Variants in EP300 observed in about 807,000 individuals in gnomAD.
EP300 encodes the protein EP300 lysine acetyltransferase.
EP300 carries 31 observed loss-of-function variants against 264.0 expected under a neutral mutation model. That is an observed-to-expected ratio of 0.12 (90% CI 0.09 to 0.16). The LOEUF is 0.16. Ranked by LOEUF, EP300 falls within the 10% of genes least tolerant of loss-of-function variation. The pLI is 1.00. For synonymous variants in EP300, 1,340 were observed against 1,045.4 expected, an observed-to-expected ratio of 1.28 and a Z score of -5.44; for missense variants, 2,766 against 3,052.9, an observed-to-expected ratio of 0.91 and a Z score of 2.21.
chr22:41,147,099 T>A (rs1296636885), intron 11 of EP300, among the ~76,000 whole-genome samples: 2 of 151,916 alleles, frequency 1.3e-5, no homozygotes, highest in Non-Finnish European at 2.9e-5. Context: ...GAGGTCAAAG[T>A]ACGAGACCAG....
intron 3 of EP300, among the ~76,000 whole-genome samples, chr22:41,126,813 C>T (rs1376689607): frequency 2.4e-5 from 3 of 126,554 alleles, no homozygotes; most frequent in Non-Finnish European, 4.7e-5. Context: ...GGTACGATCT[C>T]GGCTCACTGC....
intron 2 of EP300, among the ~76,000 whole-genome samples, chr22:41,124,730 G>A (rs888104634): frequency 6.6e-6 from 1 of 152,148 alleles, no homozygotes; most frequent in Non-Finnish European, 1.5e-5. Context: ...TCGCCATGTA[G>A]CATCATGTGT....
chr22:41,095,729 C>T (rs946473005), intron 1 of EP300, among the ~76,000 whole-genome samples: 6 of 151,944 alleles, frequency 3.9e-5, no homozygotes, highest in Admixed American at 2.6e-4. Context: ...TTGTCTAGAA[C>T]TGGTTGAAAT....
chr22:41,145,717 G>A (rs1181542348), intron 10 of EP300, among the ~76,000 whole-genome samples: 3 of 152,026 alleles, frequency 2.0e-5, no homozygotes, highest in South Asian at 4.1e-4. Flanking sequence ...TCCACCTCCC[G>A]GGGTCATGCC....
At chr22:41,144,503 G>A (rs533821130) in intron 10 of EP300, among the ~76,000 whole-genome samples, 5 of 151,788 alleles carry the variant, frequency 3.3e-5, no homozygotes, top group Non-Finnish European at 5.9e-5. Context: ...ACAGGCACAC[G>A]CCACCATGCC....
intron 2 of EP300, among the ~76,000 whole-genome samples, chr22:41,122,239 C>T (rs1178445671): frequency 1.5e-5 from 2 of 135,530 alleles, no homozygotes; most frequent in African/African-American, 2.8e-5. Flanking sequence ...AATCTTGGCT[C>T]ATTGCAACCT....
intron 1 of EP300, among the ~76,000 whole-genome samples, chr22:41,109,317 G>C (rs2058775934): frequency 6.6e-6 from 1 of 151,752 alleles, no homozygotes; most frequent in East Asian, 1.9e-4. Context: ...AATAGATTTG[G>C]CTTCAGTAAA....
chr22:41,139,277 T>C (rs767958698), intron 8 of EP300, among the ~76,000 whole-genome samples: 1 of 152,190 alleles, frequency 6.6e-6, no homozygotes, highest in Non-Finnish European at 1.5e-5. Flanking sequence ...GTGGTAGCAC[T>C]AAGTAACGGA....
At chr22:41,113,923 T>C (rs972587131) in intron 1 of EP300, among the ~76,000 whole-genome samples, 1 of 152,246 alleles carries the variant, frequency 6.6e-6, no homozygotes, top group Admixed American at 6.5e-5. Context: ...TTGTGATTTC[T>C]TTTGTAATTT....
intron 1 of EP300, among the ~76,000 whole-genome samples, chr22:41,113,906 A>G (rs984384939): frequency 5.3e-5 from 8 of 152,022 alleles, no homozygotes; most frequent in African/African-American, 1.7e-4. Flanking sequence ...TTATTACTCA[A>G]TTTCCTTTGT....
chr22:41,129,861 C>T (rs2145713282), intron 4 of EP300, 29 bp from the exon 5 acceptor site: 3 of 1,576,258 alleles, frequency 1.9e-6, no homozygotes, highest in Non-Finnish European at 2.6e-6. Context: ...TTAACCTGCT[C>T]TTGAAAAAAT....
Position 41,178,629 on chromosome 22 carries a change from A to G in EP300, c.6918A>G (p.Gln2306=), listed in dbSNP as rs1254572832. ...AGATCCCTAATTCTCTCTCCAATCA[A>G]GTGCGCTCTCCCCAGCCTGTCCCTT... ...GQQIPNSLSN[Q]VRSPQPVPSP... The change falls in exon 31 of 31, where the codon CAA becomes CAG. Residue 2306 remains glutamine, a synonymous_variant. Coordinates refer to ENST00000263253, the MANE Select transcript of EP300 (RefSeq NM_001429.4). 1.2e-6 allele frequency: 2 copies of G among 1,613,938 alleles called. No homozygotes were observed. The highest frequency in any genetic ancestry group is 2.2e-5 in the East Asian group (1 of 44,892).
chr22:41,096,416 A>ATAAT (rs1367644137), intron 1 of EP300, among the ~76,000 whole-genome samples: 1 of 152,086 alleles, frequency 6.6e-6, no homozygotes, highest in African/African-American at 2.4e-5. Flanking sequence ...GATCTGGCAT[A>ATAAT]TAATTAAGTA....
At chr22:41,101,019 T>G (rs961684036) in intron 1 of EP300, among the ~76,000 whole-genome samples, 1 of 152,150 alleles carries the variant, frequency 6.6e-6, no homozygotes, top group African/African-American at 2.4e-5. Flanking sequence ...ATGGAAAACA[T>G]TGTTCTTGTT....
intron 2 of EP300, 33 bp from the exon 3 acceptor site, chr22:41,125,831 C>G (rs2058878791): frequency 6.2e-7 from 1 of 1,601,044 alleles, no homozygotes; most frequent in African/African-American, 1.4e-5. Flanking sequence ...AATTTTATTG[C>G]TTATTTTGTT....
At chr22:41,095,322 C>T (rs1409440285) in intron 1 of EP300, among the ~76,000 whole-genome samples, 1 of 148,228 alleles carries the variant, frequency 6.7e-6, no homozygotes, top group African/African-American at 2.5e-5. Context: ...ACAACCTCTG[C>T]CTCCTGGGTT....
At chr22:41,131,746 A>AT in intron 6 of EP300, 113 bp downstream of exon 6, 1 of 1,519,956 alleles carries the variant, frequency 6.6e-7, no homozygotes, top group Non-Finnish European at 9.0e-7. Flanking sequence ...TTTTTAAGTA[A>AT]TTTTTTAAAG....
intron 29 of EP300, 198 bp from the exon 30 acceptor site, chr22:41,176,049 G>A (rs914517642): frequency 1.8e-5 from 11 of 628,286 alleles, no homozygotes; most frequent in African/African-American, 3.7e-5. Flanking sequence ...GCGAAGCCTC[G>A]TCTCTACAAA....
chr22:41,174,610 AATTG>A (rs2059189670), intron 29 of EP300: 1 of 152,002 alleles, frequency 6.6e-6, no homozygotes, highest in Non-Finnish European at 1.5e-5. Flanking sequence ...AATATCATAT[AATTG>A]ATAACGAAAG....
Sources: gnomAD v4.1 joint callset for allele counts (sites outside exome capture counted in the v4.1 genomes callset) on GRCh38, gnomAD v4.1.1 for gene constraint, MANE v1.5 for transcripts, NCBI Gene and HGNC (gene_info 2026-07-23, HGNC 2026-07-21) for gene names.